GRHL2: variants seen among roughly 807,000 people sequenced by gnomAD.
GRHL2 encodes grainyhead like transcription factor 2, also known as grainyhead-like protein 2 homolog.
Under a neutral mutation model 83.8 loss-of-function variants are expected in GRHL2, and 21 were observed. That is an observed-to-expected ratio of 0.25 (90% CI 0.18 to 0.36). The LOEUF is 0.36. Ranked by LOEUF, GRHL2 falls within the 10% of genes least tolerant of loss-of-function variation. The pLI, the probability that GRHL2 is intolerant of heterozygous loss-of-function variation, is 1.00. For missense variants in GRHL2, 623 were observed against 781.8 expected, an observed-to-expected ratio of 0.80 and a Z score of 2.42; for synonymous variants, 280 against 278.9, an observed-to-expected ratio of 1.00 and a Z score of -0.04.
At chr8:101,602,130 A>G (rs1326627797) in intron 8 of GRHL2, among the ~76,000 whole-genome samples, 4 of 152,370 alleles carry the variant, frequency 2.6e-5, no homozygotes, top group Admixed American at 2.6e-4. Context: ...GAGAAATCAT[A>G]AAAGTTAAAT....
intron 7 of GRHL2, among the ~76,000 whole-genome samples, chr8:101,585,963 C>G (rs1227835189): frequency 6.6e-6 from 1 of 151,972 alleles, no homozygotes; most frequent in Non-Finnish European, 1.5e-5. Flanking sequence ...TGGTTCCCTC[C>G]AGGGAAGGGT....
chr8:101,600,262 C>T (rs1348325735), intron 8 of GRHL2, among the ~76,000 whole-genome samples: 2 of 152,188 alleles, frequency 1.3e-5, no homozygotes, highest in Admixed American at 1.3e-4. Flanking sequence ...CAGTGCCTCC[C>T]AGAAAGGAAG....
At chr8:101,509,384 C>T (rs1051645963) in intron 1 of GRHL2, among the ~76,000 whole-genome samples, 5 of 151,540 alleles carry the variant, frequency 3.3e-5, no homozygotes, top group Admixed American at 6.6e-5. Flanking sequence ...CCTAGAGCTG[C>T]GGGTTAAAAC....
intron 2 of GRHL2, among the ~76,000 whole-genome samples, chr8:101,551,990 C>T (rs1012463527): frequency 6.6e-6 from 1 of 151,878 alleles, no homozygotes; most frequent in Non-Finnish European, 1.5e-5. Context: ...TGCCTGCCAC[C>T]ACGCCCAGCT....
intron 8 of GRHL2, among the ~76,000 whole-genome samples, chr8:101,617,517 A>G (rs1812880099): frequency 6.6e-6 from 1 of 152,110 alleles, no homozygotes; most frequent in South Asian, 2.1e-4. Flanking sequence ...TTATTTATTT[A>G]TTTTGAGATA....
chr8:101,514,414 G>A (rs1268160706), intron 1 of GRHL2, among the ~76,000 whole-genome samples: 1 of 152,206 alleles, frequency 6.6e-6, no homozygotes, highest in Admixed American at 6.5e-5. Flanking sequence ...AATGGAGTAG[G>A]GGAGCTACGC....
chr8:101,558,322 C>T, intron 3 of GRHL2, 97 bp from the exon 4 acceptor site: 1 of 1,391,010 alleles, frequency 7.2e-7, no homozygotes, highest in Non-Finnish European at 1.0e-6. Flanking sequence ...ATGGCATTAA[C>T]ATCCAATGAT....
chr8:101,654,141 G>T (rs1468326472), intron 14 of GRHL2, among the ~76,000 whole-genome samples: 1 of 152,216 alleles, frequency 6.6e-6, no homozygotes, highest in East Asian at 1.9e-4. Flanking sequence ...AATGCTCTCT[G>T]TTGAGAAAGG....
At chr8:101,637,445 T>G (rs924810173) in intron 12 of GRHL2, among the ~76,000 whole-genome samples, 1 of 152,194 alleles carries the variant, frequency 6.6e-6, no homozygotes, top group African/African-American at 2.4e-5. Flanking sequence ...ACTGAGAGCC[T>G]TTTCAATCGT....
intron 14 of GRHL2, among the ~76,000 whole-genome samples, chr8:101,653,725 G>A (rs1813721664): frequency 6.9e-6 from 1 of 145,896 alleles, no homozygotes; most frequent in South Asian, 2.2e-4. Context: ...CTGGGAGAGA[G>A]TGACTCTGTC....
intron 12 of GRHL2, among the ~76,000 whole-genome samples, chr8:101,643,551 G>T (rs1366075365): frequency 1.3e-5 from 2 of 152,162 alleles, no homozygotes; most frequent in Non-Finnish European, 2.9e-5. Context: ...CCGAGAAGGA[G>T]CAAAGGCCTG....
At chr8:101,548,012 A>G (rs1395020642) in intron 2 of GRHL2, among the ~76,000 whole-genome samples, 1 of 152,250 alleles carries the variant, frequency 6.6e-6, no homozygotes, top group Admixed American at 6.5e-5. Context: ...CTCTTGAAAG[A>G]GCTGGTTTAT....
chr8:101,652,098 C>T (rs1813634134), intron 14 of GRHL2, among the ~76,000 whole-genome samples: 1 of 152,038 alleles, frequency 6.6e-6, no homozygotes, highest in Non-Finnish European at 1.5e-5. Flanking sequence ...TGTAGTTGTA[C>T]CCTAAGTTTA....
At chr8:101,647,400 AAATT>A (rs1813533381) in intron 13 of GRHL2, among the ~76,000 whole-genome samples, 1 of 128,352 alleles carries the variant, frequency 7.8e-6, no homozygotes, top group Middle Eastern at 3.4e-3. Context: ...AGCCTGCTGG[AAATT>A]CCTTTTTTTT....
intron 9 of GRHL2, among the ~76,000 whole-genome samples, chr8:101,628,451 A>T (rs1813122673): frequency 6.6e-6 from 1 of 152,082 alleles, no homozygotes; most frequent in African/African-American, 2.4e-5. Context: ...CAATGTTCCC[A>T]GTCACCCAAG....
intron 8 of GRHL2, 80 bp from the exon 9 acceptor site, chr8:101,619,459 A>G (rs1319454613): frequency 1.5e-6 from 2 of 1,292,180 alleles, no homozygotes; most frequent in African/African-American, 2.9e-5. Context: ...TAGTATTTTG[A>G]CTTAAAGTCT....
intron 1 of GRHL2, among the ~76,000 whole-genome samples, chr8:101,495,178 T>C (rs1045497233): frequency 7.2e-5 from 11 of 152,212 alleles, no homozygotes; most frequent in Admixed American, 4.6e-4. Context: ...CCTGAGCAAG[T>C]GAGAGGCTTC....
At chr8:101,595,273 T>C (rs1812369050) in intron 7 of GRHL2, among the ~76,000 whole-genome samples, 1 of 152,264 alleles carries the variant, frequency 6.6e-6, no homozygotes, top group South Asian at 2.1e-4. Context: ...CATTTGTTTT[T>C]GAAATTCTTT....
the GRHL2 span, among the ~76,000 whole-genome samples, chr8:101,677,944 G>A: frequency 1.3e-5 from 2 of 152,062 alleles, no homozygotes; most frequent in Non-Finnish European, 2.9e-5. Context: ...GTCTTAGGTG[G>A]ATTTGACTGA....
Sources: allele counts gnomAD v4.1 joint callset (sites outside exome capture counted in the v4.1 genomes callset), GRCh38; gene constraint gnomAD v4.1.1; transcripts MANE v1.5; gene names NCBI Gene and HGNC (gene_info 2026-07-23, HGNC 2026-07-21).